Variants in ZEB2 observed in about 807,000 individuals in gnomAD.
ZEB2 encodes zinc finger E-box binding homeobox 2, also known as zinc finger E-box-binding homeobox 2.
ZEB2 carries 6 observed loss-of-function variants against 99.9 expected under a neutral mutation model. That is an observed-to-expected ratio of 0.06 (90% CI 0.03 to 0.12). The LOEUF (loss-of-function observed/expected upper bound fraction) is 0.12, where lower values mean the gene tolerates loss of function less well. Ranked by LOEUF, ZEB2 falls within the 10% of genes least tolerant of loss-of-function variation. The probability of loss-of-function intolerance (pLI) is 1.00; values close to 1 mark genes in which losing one functional copy is unlikely to be tolerated. For synonymous variants in ZEB2, 517 were observed against 542.5 expected (o/e 0.95, Z 0.65); for missense variants, 969 against 1,502.8 (o/e 0.64, Z 5.87).
At chr2:144,482,703 A>G (rs541268630) in intron 2 of ZEB2, among the ~76,000 whole-genome samples, 10 of 150,906 alleles carry the variant, frequency 6.6e-5, no homozygotes, top group Middle Eastern at 6.9e-3. Flanking sequence ...TTCTTAAATT[A>G]CTACGGAGTC....
At chr2:144,445,706 C>T (rs933036992) in intron 2 of ZEB2, among the ~76,000 whole-genome samples, 1 of 152,018 alleles carries the variant, frequency 6.6e-6, no homozygotes, top group Non-Finnish European at 1.5e-5. Flanking sequence ...AAATGCACCC[C>T]TCATTTTTTG....
intron 4 of ZEB2, among the ~76,000 whole-genome samples, chr2:144,409,601 T>G (rs1190088851): frequency 6.6e-6 from 1 of 152,190 alleles, no homozygotes; most frequent in African/African-American, 2.4e-5. Context: ...TCCAGAGATT[T>G]TGCATTTAGT....
rs368984358 is a variant in ZEB2, at chr2:144,398,883, A to G, written c.2304T>C (p.Asn768=). The change falls in exon 8 of 10, where the codon AAT becomes AAC. Residue 768 remains asparagine (N), a synonymous_variant. Coordinates refer to ENST00000627532, the MANE Select transcript of ZEB2 (RefSeq NM_014795.4). Reference sequence around the variant, plus strand: ...GGTCCAATTTTTCAACTGGTTTAATATTGGTAAAATGGGAAGGTTTTGTTA... The same window carrying G: ...GGTCCAATTTTTCAACTGGTTTAATGTTGGTAAAATGGGAAGGTTTTGTTA... ...LRLTKPSHFT[N]IKPVEKLDHS... is the part of the protein sequence containing the mutation. The G allele has an allele frequency of 1.2e-6, 2 of 1,614,038 alleles. No homozygotes were observed. Among genetic ancestry groups the G allele is most frequent in the African/African-American group, 2.7e-5 (2 of 74,918 alleles).
At chr2:144,511,987 C>G (rs1705046078) in intron 2 of ZEB2, 1 of 1,287,162 alleles carries the variant, frequency 7.8e-7, no homozygotes, top group Non-Finnish European at 1.0e-6. Flanking sequence ...GATTTTCCTC[C>G]TTTATCTCTT....
intron 2 of ZEB2, among the ~76,000 whole-genome samples, chr2:144,444,542 T>C (rs908282435): frequency 6.6e-6 from 1 of 152,216 alleles, no homozygotes; most frequent in Non-Finnish European, 1.5e-5. Context: ...TCAGATGGGA[T>C]AAAGATCAGA....
chr2:144,418,725 G>GCAAAA (rs1323102808), intron 4 of ZEB2, among the ~76,000 whole-genome samples: 1 of 151,494 alleles, frequency 6.6e-6, no homozygotes, highest in Non-Finnish European at 1.5e-5. Flanking sequence ...AAAAAAACTG[G>GCAAAA]CAAAACAAAA....
chr2:144,453,780 C>T (rs1704084822), intron 2 of ZEB2, among the ~76,000 whole-genome samples: 1 of 152,122 alleles, frequency 6.6e-6, no homozygotes, highest in Non-Finnish European at 1.5e-5. Context: ...CAACAAAAAA[C>T]AAAAGAAGTT....
chr2:144,516,066 G>C (rs1260101304), intron 2 of ZEB2: 1 of 152,124 alleles, frequency 6.6e-6, no homozygotes, highest in East Asian at 1.9e-4. Context: ...CGCCTGCCTC[G>C]GGAGCGTCTA....
At chr2:144,411,655 A>C (rs1169356846) in intron 4 of ZEB2, among the ~76,000 whole-genome samples, 2 of 152,172 alleles carry the variant, frequency 1.3e-5, no homozygotes, top group Non-Finnish European at 2.9e-5. Context: ...AGAGCAACAG[A>C]AAAGTTTTCT....
intron 2 of ZEB2, among the ~76,000 whole-genome samples, chr2:144,440,515 A>ATATATATATATATT (rs1703899127): frequency 6.1e-5 from 2 of 32,846 alleles, no homozygotes; most frequent in Admixed American, 4.4e-4. Flanking sequence ...ATATATATAT[A>ATATATATATATATT]TTTTTTTTTT....
intron 2 of ZEB2, among the ~76,000 whole-genome samples, chr2:144,501,461 T>C (rs1704868812): frequency 6.6e-6 from 1 of 152,210 alleles, no homozygotes; most frequent in Admixed American, 6.5e-5. Flanking sequence ...CCTTAGAAGA[T>C]CCTAAAGTAG....
At chr2:144,442,759 T>C (rs1312544500) in intron 2 of ZEB2, among the ~76,000 whole-genome samples, 1 of 152,176 alleles carries the variant, frequency 6.6e-6, no homozygotes, top group East Asian at 1.9e-4. Context: ...AAAGACACTT[T>C]AGGTATATTT....
At chr2:144,476,779 A>G (rs774663601) in intron 2 of ZEB2, among the ~76,000 whole-genome samples, 161 of 152,310 alleles carry the variant, frequency 1.1e-3, no homozygotes, top group Non-Finnish European at 1.1e-3. Flanking sequence ...GAAAATAAAC[A>G]TTCCTTACTA....
chr2:144,418,175 C>T (rs1381677902), intron 4 of ZEB2, among the ~76,000 whole-genome samples: 1 of 152,196 alleles, frequency 6.6e-6, no homozygotes, highest in African/African-American at 2.4e-5. Context: ...ATTTTAGCCT[C>T]AAATGCCAGA....
rs545826387 is a variant in ZEB2, at chr2:144,407,477, G to A, written c.404-2453C>T. Among the ~76,000 whole-genome samples the A allele has an allele frequency of 1.5e-4, 23 of 152,302 alleles. No individual in the cohort carries two copies. In the South Asian group the frequency reaches 4.8e-3, roughly 32 times the overall value. ...GATGTCATTTCACTTGCATCACTGA[G>A]CCCCTATGGAGTATGTAGAAACTGT... On this transcript the variant is annotated intron_variant, in intron 4 of 9. Transcript: ENST00000627532.
In ZEB2 at chr2:144,399,047, G is replaced by C; in HGVS notation, c.2140C>G (p.Pro714Ala). The change falls in exon 8 of 10, where the codon CCG (proline) becomes GCG (alanine). Residue 714 changes from proline (P) to alanine (A), a missense_variant. Around this residue, in one of 8 missense-constraint regions of ZEB2, gnomAD observed 346 missense variants for 460.0 expected, o/e 0.75. Transcript: ENST00000627532. The surrounding 1 kb of genome is among the most constrained non-coding windows in gnomAD (Gnocchi z 5.6). Reference protein sequence around the residue: ...RSPSLERSSKPLAPNSNPPTK... With the variant: ...RSPSLERSSKALAPNSNPPTK... ...GGAGGGTTACTGTTGGGAGCTAACG[G>C]CTTGGAGCTTCTTTCCAGGGATGGG... is the stretch of plus-strand genomic sequence containing the variant. The C allele has an allele frequency of 6.2e-7, 1 of 1,614,104 alleles. No homozygotes were observed. Among genetic ancestry groups the C allele is most frequent in the South Asian group, 1.1e-5 (1 of 91,080 alleles).
At chr2:144,499,808 G>A (rs1440855511) in intron 2 of ZEB2, among the ~76,000 whole-genome samples, 1 of 152,006 alleles carries the variant, frequency 6.6e-6, no homozygotes, top group Non-Finnish European at 1.5e-5. Flanking sequence ...AGAAGTTCAG[G>A]TGTACAATTT....
chr2:144,515,377 G>A (rs1338158061), intron 2 of ZEB2, among the ~76,000 whole-genome samples: 1 of 152,008 alleles, frequency 6.6e-6, no homozygotes, highest in African/African-American at 2.4e-5. Context: ...AGGAACAGAG[G>A]AAACACAAGA....
At chr2:144,447,015 CAAA>C (rs200426124) in intron 2 of ZEB2, among the ~76,000 whole-genome samples, 124 of 74,500 alleles carry the variant, frequency 1.7e-3, no homozygotes, top group Non-Finnish European at 2.5e-3. Flanking sequence ...GACACTGTTT[CAAA>C]AAAAAAAAAA....
Sources: gnomAD v4.1 joint callset for allele counts (sites outside exome capture counted in the v4.1 genomes callset) on GRCh38, gnomAD v4.1.1 for gene constraint, gnomAD v4.1.1 regional missense constraint, Gnocchi (gnomAD v3.1) non-coding constraint, MANE v1.5 for transcripts, NCBI Gene and HGNC (gene_info 2026-07-23, HGNC 2026-07-21) for gene names.